NKAIN3: variants seen among roughly 807,000 people sequenced by gnomAD.
NKAIN3 encodes the protein sodium/potassium transporting ATPase interacting 3, also known as sodium/potassium-transporting ATPase subunit beta-1-interacting protein 3.
NKAIN3 carries 25 observed loss-of-function variants against 30.2 expected under a neutral mutation model. That is an observed-to-expected ratio of 0.83 (90% confidence interval 0.60 to 1.16). The LOEUF (loss-of-function observed/expected upper bound fraction) is 1.16. Among genes scored for constraint, NKAIN3 ranks in the 50% most tolerant of loss-of-function variants. NKAIN3 has a pLI of 0.00. For missense variants in NKAIN3, 225 were observed against 254.1 expected (o/e 0.89, Z 0.78); for synonymous variants, 91 against 89.6 (o/e 1.02, Z -0.09).
At chr8:62,731,488 A>G (rs1193599583) in intron 3 of NKAIN3, among the ~76,000 whole-genome samples, 1 of 152,162 alleles carries the variant, frequency 6.6e-6, no homozygotes, top group Admixed American at 6.5e-5. Context: ...ATATAAATAC[A>G]CTAGTAAATA....
intron 5 of NKAIN3, among the ~76,000 whole-genome samples, chr8:62,935,803 A>G (rs1822766776): frequency 6.6e-6 from 1 of 152,178 alleles, no homozygotes; most frequent in Non-Finnish European, 1.5e-5. Context: ...ATGTAAAAGA[A>G]CACACTCAAT....
intron 1 of NKAIN3, among the ~76,000 whole-genome samples, chr8:62,377,780 C>T (rs1008793017): frequency 5.9e-5 from 9 of 152,090 alleles, no homozygotes; most frequent in African/African-American, 9.7e-5. Flanking sequence ...AGCTGCTTTC[C>T]GCCATGGTTG....
intron 4 of NKAIN3, among the ~76,000 whole-genome samples, chr8:62,917,036 C>A (rs1438580649): frequency 6.6e-6 from 1 of 151,958 alleles, no homozygotes; most frequent in Non-Finnish European, 1.5e-5. Context: ...GCCAAAGTAC[C>A]ACCATCCTTC....
intron 1 of NKAIN3, among the ~76,000 whole-genome samples, chr8:62,320,979 G>A (rs145712725): frequency 1.0e-3 from 159 of 152,284 alleles, no homozygotes; most frequent in African/African-American, 3.7e-3. Flanking sequence ...CCAATCTGAT[G>A]TAGATTTGGT....
At chr8:62,558,663 TG>T (rs1285712778) in intron 1 of NKAIN3, among the ~76,000 whole-genome samples, 15 of 152,116 alleles carry the variant, frequency 9.9e-5, no homozygotes, top group East Asian at 1.9e-4. Context: ...TTTTCTCTAT[TG>T]TTTTTTTGTT....
intron 1 of NKAIN3, chr8:62,473,239 T>C (rs1282692471): frequency 6.6e-6 from 1 of 152,250 alleles, no homozygotes; most frequent in South Asian, 2.1e-4. Context: ...TTTGTAATTG[T>C]GCACTGAAGT....
chr8:62,474,173 T>G (rs1034679543), intron 1 of NKAIN3: 4 of 152,182 alleles, frequency 2.6e-5, no homozygotes, highest in Non-Finnish European at 5.9e-5. Context: ...TTCATTCATG[T>G]GATCAAACCC....
chr8:62,934,722 A>G (rs1822728393), intron 5 of NKAIN3, among the ~76,000 whole-genome samples: 3 of 152,174 alleles, frequency 2.0e-5, no homozygotes, highest in Non-Finnish European at 2.9e-5. Context: ...ACAATTGGAA[A>G]AAGCCACTTT....
intron 3 of NKAIN3, among the ~76,000 whole-genome samples, chr8:62,704,594 T>C (rs1814458449): frequency 1.3e-5 from 2 of 152,200 alleles, no homozygotes; most frequent in Admixed American, 6.5e-5. Flanking sequence ...GTGAGTCTTA[T>C]TGCCAGTCTC....
At chr8:62,254,294 G>T (rs954067513) in intron 1 of NKAIN3, among the ~76,000 whole-genome samples, 2 of 152,020 alleles carry the variant, frequency 1.3e-5, no homozygotes. Context: ...AGGTACATGA[G>T]TGTGGAACCT....
rs1391137625 is a variant in NKAIN3, at chr8:62,730,334, G to C, written c.274-16598G>C. Among the ~76,000 whole-genome samples the C allele has an allele frequency of 3.9e-5, 6 of 152,080 alleles. No individual in the cohort carries two copies. The East Asian group carries it at 1.2e-3, about 29-fold the overall frequency. Reference sequence around the variant, plus strand: ...TATATTAATTGCAAACCCCAGAACAGTGTAGGCACAAATATTTGTTAATTA... The same window carrying C: ...TATATTAATTGCAAACCCCAGAACACTGTAGGCACAAATATTTGTTAATTA... On this transcript the variant is annotated intron_variant, in intron 3 of 6. Transcript: ENST00000623646.
chr8:62,770,701 A>G (rs1816981606), intron 4 of NKAIN3, among the ~76,000 whole-genome samples: 1 of 152,046 alleles, frequency 6.6e-6, no homozygotes, highest in Non-Finnish European at 1.5e-5. Flanking sequence ...CTAACCAGTC[A>G]TTGACTGACC....
At chr8:62,670,149 T>TA (rs1813255478) in intron 3 of NKAIN3, among the ~76,000 whole-genome samples, 1 of 152,154 alleles carries the variant, frequency 6.6e-6, no homozygotes, top group South Asian at 2.1e-4. Flanking sequence ...ATACTTATTA[T>TA]AAAAAACACT....
chr8:62,623,071 G>A (rs963671694), intron 3 of NKAIN3, among the ~76,000 whole-genome samples: 1 of 151,872 alleles, frequency 6.6e-6, no homozygotes, highest in African/African-American at 2.4e-5. Flanking sequence ...GACGCCAGGA[G>A]AAAAGAGGCA....
intron 3 of NKAIN3, among the ~76,000 whole-genome samples, chr8:62,726,499 C>G (rs1815263214): frequency 6.6e-6 from 1 of 151,994 alleles, no homozygotes; most frequent in African/African-American, 2.4e-5. Flanking sequence ...GGATTCTTAT[C>G]ATGGAAGGAT....
chr8:62,788,652 G>GT (rs1817602710), intron 4 of NKAIN3, among the ~76,000 whole-genome samples: 1 of 151,970 alleles, frequency 6.6e-6, no homozygotes. Flanking sequence ...TTCTTCTAGG[G>GT]TTTTTATGGT....
chr8:62,954,408 G>A (rs1823366318), intron 6 of NKAIN3, among the ~76,000 whole-genome samples: 1 of 152,112 alleles, frequency 6.6e-6, no homozygotes, highest in African/African-American at 2.4e-5. Context: ...TGGTTTCACA[G>A]GGGGGAAATA....
intron 1 of NKAIN3, among the ~76,000 whole-genome samples, chr8:62,283,151 A>G (rs1813257955): frequency 1.3e-5 from 2 of 152,220 alleles, no homozygotes; most frequent in South Asian, 2.1e-4. Context: ...AGGGAAGACT[A>G]TGATAAATAT....
At chr8:62,681,143 C>G (rs1036206917) in intron 3 of NKAIN3, among the ~76,000 whole-genome samples, 5 of 152,144 alleles carry the variant, frequency 3.3e-5, no homozygotes, top group Non-Finnish European at 7.4e-5. Flanking sequence ...TACTCAGTGC[C>G]AATCCTGTCT....
Sources: allele counts gnomAD v4.1 joint callset (sites outside exome capture counted in the v4.1 genomes callset), GRCh38; gene constraint gnomAD v4.1.1; transcripts MANE v1.5; gene names NCBI Gene and HGNC (gene_info 2026-07-23, HGNC 2026-07-21).